GRM8: variants seen among roughly 807,000 people sequenced by gnomAD.
GRM8 encodes the protein glutamate metabotropic receptor 8.
In GRM8, 47 loss-of-function variants were observed where a neutral mutation model predicts 87.2. That is an observed-to-expected ratio of 0.54 (90% CI 0.43 to 0.69). The LOEUF (loss-of-function observed/expected upper bound fraction) is 0.69, where lower values mean the gene tolerates loss of function less well. GRM8 is among the 30% of genes least tolerant of loss of function. The pLI is 0.00. For missense variants in GRM8, 1,019 were observed against 1,139.2 expected, an observed-to-expected ratio of 0.89 and a Z score of 1.52; for synonymous variants, 396 against 404.5, an observed-to-expected ratio of 0.98 and a Z score of 0.25.
chr7:126,578,823 C>T (rs916928417), intron 8 of GRM8, among the ~76,000 whole-genome samples: 1 of 151,872 alleles, frequency 6.6e-6, no homozygotes, highest in Non-Finnish European at 1.5e-5. Context: ...AGCTATCGGA[C>T]AATTATTAAA....
intron 3 of GRM8, among the ~76,000 whole-genome samples, chr7:127,073,309 C>T (rs1355315434): frequency 2.0e-5 from 3 of 152,244 alleles, no homozygotes; most frequent in African/African-American, 7.2e-5. Flanking sequence ...AGTAATGGTC[C>T]ATGACTGCAA....
chr7:126,606,232 C>T (rs905886737), intron 8 of GRM8, among the ~76,000 whole-genome samples: 45 of 152,278 alleles, frequency 3.0e-4, no homozygotes, highest in African/African-American at 1.0e-3. Flanking sequence ...CTCACACAAA[C>T]TCAAGTCCCT....
intron 8 of GRM8, among the ~76,000 whole-genome samples, chr7:126,534,547 G>A (rs765567025): frequency 1.4e-4 from 21 of 152,096 alleles, no homozygotes; most frequent in Admixed American, 7.2e-4. Flanking sequence ...TTTACTGAAC[G>A]AAAGTGGCCC....
intron 2 of GRM8, among the ~76,000 whole-genome samples, chr7:127,113,036 C>G (rs1826475459): frequency 6.6e-6 from 1 of 152,188 alleles, no homozygotes; most frequent in African/African-American, 2.4e-5. Context: ...GTTGCCTTCA[C>G]TGAGCCTTCC....
At chr7:126,879,788 G>GGGC (rs1426750188) in intron 6 of GRM8, among the ~76,000 whole-genome samples, 1 of 152,040 alleles carries the variant, frequency 6.6e-6, no homozygotes, top group African/African-American at 2.4e-5. Context: ...TTATATTTAA[G>GGGC]GGCGAGTATT....
At chr7:126,463,195 T>C (rs1238642980) in intron 9 of GRM8, among the ~76,000 whole-genome samples, 1 of 151,622 alleles carries the variant, frequency 6.6e-6, no homozygotes, top group Non-Finnish European at 1.5e-5. Context: ...AGCTATAGGA[T>C]GGAAGACATA....
chr7:126,698,916 A>G (rs1163384340), intron 7 of GRM8, among the ~76,000 whole-genome samples: 1 of 152,178 alleles, frequency 6.6e-6, no homozygotes, highest in African/African-American at 2.4e-5. Flanking sequence ...TTCTGAGGAG[A>G]AAGTGTCTTT....
intron 2 of GRM8, among the ~76,000 whole-genome samples, chr7:127,168,180 C>A (rs1793568822): frequency 6.6e-6 from 1 of 152,214 alleles, no homozygotes; most frequent in Middle Eastern, 3.4e-3. Flanking sequence ...ACAGCCCCAT[C>A]AAAAAGTGGG....
chr7:126,504,398 T>A (rs1810120407), intron 9 of GRM8, among the ~76,000 whole-genome samples: 2 of 152,096 alleles, frequency 1.3e-5, no homozygotes, highest in South Asian at 4.1e-4. Flanking sequence ...CATGGACTTT[T>A]TCTACTGATT....
intron 9 of GRM8, among the ~76,000 whole-genome samples, chr7:126,500,977 A>C (rs2150694836): frequency 6.6e-6 from 1 of 152,080 alleles, no homozygotes; most frequent in Non-Finnish European, 1.5e-5. Flanking sequence ...CTGACCCTTT[A>C]TAAACTATTT....
intron 3 of GRM8, among the ~76,000 whole-genome samples, chr7:126,913,147 T>C (rs1361979): frequency 0.15 from 23,170 of 152,202 alleles, 2,018 homozygotes; most frequent in Non-Finnish European, 0.21. Flanking sequence ...GTGATGGAAA[T>C]TGAGGATTAA....
intron 7 of GRM8, among the ~76,000 whole-genome samples, chr7:126,686,535 G>A (rs1563091554): frequency 6.6e-6 from 1 of 152,178 alleles, no homozygotes. Context: ...GGTGCCAGCT[G>A]GAGAAGCTGT....
At chr7:126,762,395 TG>T (rs1404888747) in intron 7 of GRM8, among the ~76,000 whole-genome samples, 2 of 151,670 alleles carry the variant, frequency 1.3e-5, no homozygotes, top group African/African-American at 4.8e-5. Flanking sequence ...CACAGAAAAA[TG>T]GCAGAACTAG....
chr7:126,761,642 T>A (rs1817597821), intron 7 of GRM8, among the ~76,000 whole-genome samples: 1 of 152,168 alleles, frequency 6.6e-6, no homozygotes, highest in South Asian at 2.1e-4. Flanking sequence ...CCCTGCTGTG[T>A]CAAATTCAAA....
At chr7:126,850,289 T>C (rs1797096169) in intron 6 of GRM8, among the ~76,000 whole-genome samples, 1 of 152,208 alleles carries the variant, frequency 6.6e-6, no homozygotes, top group Non-Finnish European at 1.5e-5. Flanking sequence ...CCCCTGGCTG[T>C]TCTTTTCAAT....
chr7:127,189,898 C>A (rs1473214070), intron 2 of GRM8, among the ~76,000 whole-genome samples: 3 of 152,204 alleles, frequency 2.0e-5, no homozygotes, highest in African/African-American at 7.2e-5. Flanking sequence ...GATGGTAGAG[C>A]CGCAAAACTA....
At chr7:127,201,096 A>G (rs1345922995) in intron 2 of GRM8, among the ~76,000 whole-genome samples, 2 of 152,168 alleles carry the variant, frequency 1.3e-5, no homozygotes, top group African/African-American at 4.8e-5. Context: ...GCTTCATTTG[A>G]TACTCACAAG....
intron 2 of GRM8, among the ~76,000 whole-genome samples, chr7:127,201,545 A>G (rs1415938552): frequency 6.6e-6 from 1 of 152,214 alleles, no homozygotes; most frequent in African/African-American, 2.4e-5. Flanking sequence ...TCATTAAAGG[A>G]TCAACCGGAG....
chr7:127,000,365 C>G (rs1335088998), intron 3 of GRM8, among the ~76,000 whole-genome samples: 4 of 151,560 alleles, frequency 2.6e-5, no homozygotes, highest in Non-Finnish European at 4.4e-5. Context: ...TCAATAATAA[C>G]TTAATTGTAC....
Sources: gnomAD v4.1 joint callset for allele counts (sites outside exome capture counted in the v4.1 genomes callset) on GRCh38, gnomAD v4.1.1 for gene constraint, MANE v1.5 for transcripts, NCBI Gene and HGNC (gene_info 2026-07-23, HGNC 2026-07-21) for gene names.